The following ARHGAP26 variants were observed in gnomAD, a reference collection of about 807,000 sequenced individuals.
ARHGAP26 encodes rho GTPase-activating protein 26.
Under a neutral mutation model 104.8 loss-of-function variants are expected in ARHGAP26, and 38 were observed. The observed-to-expected ratio is 0.36, with a 90% confidence interval of 0.28 to 0.48. The LOEUF (loss-of-function observed/expected upper bound fraction) is 0.48. Ranked by LOEUF, ARHGAP26 falls within the 20% of genes least tolerant of loss-of-function variation. The pLI is 0.99. For missense variants in ARHGAP26, 704 were observed against 947.9 expected (o/e 0.74, Z 3.38); for synonymous variants, 341 against 340.0 (o/e 1.00, Z -0.03).
intron 11 of ARHGAP26, among the ~76,000 whole-genome samples, chr5:142,982,770 G>A (rs1182163265): frequency 1.3e-5 from 2 of 152,220 alleles, no homozygotes; most frequent in African/African-American, 4.8e-5. Context: ...AGCTTGGATT[G>A]TTGAACCTGT....
At chr5:143,185,453 C>G (rs1804993383) in intron 20 of ARHGAP26, among the ~76,000 whole-genome samples, 1 of 152,014 alleles carries the variant, frequency 6.6e-6, no homozygotes, top group Non-Finnish European at 1.5e-5. Context: ...TGGGGCATCC[C>G]TCCTTTTTTT....
At chr5:143,160,963 T>C (rs1166078141) in intron 20 of ARHGAP26, among the ~76,000 whole-genome samples, 1 of 151,534 alleles carries the variant, frequency 6.6e-6, no homozygotes, top group African/African-American at 2.4e-5. Flanking sequence ...CTCAGGAAGC[T>C]GAGTAGAACC....
intron 12 of ARHGAP26, among the ~76,000 whole-genome samples, chr5:143,030,029 C>CTA (rs1381483148): frequency 2.0e-5 from 3 of 152,078 alleles, no homozygotes; most frequent in Non-Finnish European, 2.9e-5. Flanking sequence ...TTTTTATAGA[C>CTA]TATATATATG....
At chr5:143,152,314 T>G (rs143985990) in intron 20 of ARHGAP26, among the ~76,000 whole-genome samples, 1 of 152,296 alleles carries the variant, frequency 6.6e-6, no homozygotes, top group Admixed American at 6.5e-5. Context: ...TTAAGGAAAC[T>G]CAGAATGTAG....
chr5:143,089,294 T>C (rs1022615512), intron 17 of ARHGAP26, among the ~76,000 whole-genome samples: 2 of 152,206 alleles, frequency 1.3e-5, no homozygotes, highest in Admixed American at 1.3e-4. Flanking sequence ...AACCCACGGA[T>C]GCATAGTGTG....
intron 11 of ARHGAP26, among the ~76,000 whole-genome samples, chr5:142,981,378 A>G (rs1026983129): frequency 6.6e-6 from 1 of 152,248 alleles, no homozygotes; most frequent in African/African-American, 2.4e-5. Flanking sequence ...AACTTGGGCC[A>G]CATGAACAGA....
At chr5:143,202,067 C>A (rs988064623) in intron 20 of ARHGAP26, among the ~76,000 whole-genome samples, 6 of 152,152 alleles carry the variant, frequency 3.9e-5, no homozygotes, top group Non-Finnish European at 8.8e-5. Flanking sequence ...TTGTAAGTCT[C>A]TAAGAACTTG....
intron 22 of ARHGAP26, among the ~76,000 whole-genome samples, chr5:143,217,967 ACCTCCTCTCAC>A (rs1810585791): frequency 6.6e-6 from 1 of 151,898 alleles, no homozygotes; most frequent in African/African-American, 2.4e-5. Flanking sequence ...TACCCCTCTG[ACCTCCTCTCAC>A]CCTCACTTGA....
chr5:142,992,930 C>CAAT (rs1775833640), intron 11 of ARHGAP26, among the ~76,000 whole-genome samples: 1 of 152,136 alleles, frequency 6.6e-6, no homozygotes, highest in Non-Finnish European at 1.5e-5. Context: ...AGACAGATGG[C>CAAT]AATTTACTCT....
At chr5:142,976,960 C>T (rs1432001907) in intron 11 of ARHGAP26, among the ~76,000 whole-genome samples, 1 of 152,154 alleles carries the variant, frequency 6.6e-6, no homozygotes, top group African/African-American at 2.4e-5. Flanking sequence ...GTAATAGTTC[C>T]AGCAAAAGTC....
intron 17 of ARHGAP26, among the ~76,000 whole-genome samples, chr5:143,099,886 G>T (rs1792965649): frequency 6.6e-6 from 1 of 152,052 alleles, no homozygotes; most frequent in Non-Finnish European, 1.5e-5. Flanking sequence ...AAAAGAACAG[G>T]CATATTTGAA....
Position 143,224,562 on chromosome 5 carries a change from T to C in ARHGAP26, c.*2116T>C, listed in dbSNP as rs548964539. 8 of 231,458 alleles carry C rather than the reference T, an allele frequency of 3.5e-5. 1 individual carries two copies. Among genetic ancestry groups the C allele is most frequent in the African/African-American group, 1.1e-4 (5 of 45,364 alleles). 14.3% of individuals were successfully genotyped at this position (231,458 alleles called of 1,614,324 possible). ...TGTATTTCTTGGTACCCCCAAGATATCAGGCCAGAAAGAGATGAGTCAGTT... is the reference window on the plus strand; with the variant it reads ...TGTATTTCTTGGTACCCCCAAGATACCAGGCCAGAAAGAGATGAGTCAGTT... On this transcript the variant is annotated 3_prime_UTR_variant, in exon 23 of 23. Transcript: ENST00000645722.
chr5:143,161,635 G>A (rs1801252487), intron 20 of ARHGAP26, among the ~76,000 whole-genome samples: 1 of 152,184 alleles, frequency 6.6e-6, no homozygotes, highest in Non-Finnish European at 1.5e-5. Flanking sequence ...CAGACTTACT[G>A]CTTAAATCAC....
In ARHGAP26 at chr5:142,879,466, G is replaced by GGT. The variant is rs765458919; in HGVS notation, c.384+22_384+23dup. ...CCAAGGTGAGAATTTTGCAAGCTTTGGTCTGGATTTTAGGGTGAGAGGTCT... is the reference window on the plus strand; with the variant it reads ...CCAAGGTGAGAATTTTGCAAGCTTTGGTGTCTGGATTTTAGGGTGAGAGGTCT... On this transcript the variant is annotated intron_variant, in intron 4 of 22. Coordinates refer to ENST00000645722, the MANE Select transcript of ARHGAP26 (RefSeq NM_001135608.3). 33 of 1,603,434 alleles carry GGT rather than the reference G, an allele frequency of 2.1e-5. No individual in the cohort carries two copies. In the Middle Eastern group the frequency reaches 1.2e-3, roughly 57 times the overall value.
intron 14 of ARHGAP26, among the ~76,000 whole-genome samples, chr5:143,049,712 G>T (rs1397775931): frequency 6.6e-6 from 1 of 152,112 alleles, no homozygotes; most frequent in Non-Finnish European, 1.5e-5. Flanking sequence ...CTGATGATTG[G>T]AGGGGTATTG....
intron 10 of ARHGAP26, among the ~76,000 whole-genome samples, chr5:142,930,837 A>C (rs571004474): frequency 6.6e-6 from 1 of 152,204 alleles, no homozygotes. Flanking sequence ...TGTTAAACAC[A>C]AATAGGTTTA....
chr5:143,133,008 A>G (rs978418356), intron 18 of ARHGAP26, among the ~76,000 whole-genome samples: 4 of 152,230 alleles, frequency 2.6e-5, no homozygotes, highest in Non-Finnish European at 4.4e-5. Flanking sequence ...GCTACATGAA[A>G]AGTACACAGT....
At chr5:142,809,088 AGTTG>A (rs1311269840) in intron 1 of ARHGAP26, among the ~76,000 whole-genome samples, 1 of 152,246 alleles carries the variant, frequency 6.6e-6, no homozygotes. Context: ...CAAAGGACTT[AGTTG>A]AGTGCAACTG....
At chr5:143,210,220 G>A (rs894879900) in intron 21 of ARHGAP26, among the ~76,000 whole-genome samples, 14 of 152,182 alleles carry the variant, frequency 9.2e-5, no homozygotes, top group African/African-American at 2.7e-4. Flanking sequence ...CAGAAGGCAA[G>A]GAGGAGGAAG....
Sources: allele counts gnomAD v4.1 joint callset (sites outside exome capture counted in the v4.1 genomes callset), GRCh38; gene constraint gnomAD v4.1.1; transcripts MANE v1.5; gene names NCBI Gene and HGNC (gene_info 2026-07-23, HGNC 2026-07-21).